The following DGKI variants were observed in gnomAD, a reference collection of about 807,000 sequenced individuals.
The protein encoded by DGKI is diacylglycerol kinase iota.
DGKI carries 55 observed loss-of-function variants against 147.5 expected under a neutral mutation model. The observed-to-expected ratio is 0.37, with a 90% confidence interval of 0.30 to 0.47. The LOEUF (loss-of-function observed/expected upper bound fraction) is 0.47, where lower values mean the gene tolerates loss of function less well. Ranked by LOEUF, DGKI falls within the 20% of genes least tolerant of loss-of-function variation. The pLI, the probability that DGKI is intolerant of heterozygous loss-of-function variation, is 1.00. For missense variants in DGKI, 1,007 were observed against 1,323.8 expected (o/e 0.76, Z 3.71); for synonymous variants, 469 against 477.1 (o/e 0.98, Z 0.22).
At chr7:137,820,263 G>C (rs1797858368) in intron 1 of DGKI, among the ~76,000 whole-genome samples, 2 of 152,184 alleles carry the variant, frequency 1.3e-5, no homozygotes, top group South Asian at 4.1e-4. Flanking sequence ...CACAGCAGGA[G>C]GCCCCAATCA....
intron 20 of DGKI, among the ~76,000 whole-genome samples, chr7:137,549,045 G>A (rs1276360848): frequency 6.6e-6 from 1 of 152,156 alleles, no homozygotes; most frequent in Non-Finnish European, 1.5e-5. Flanking sequence ...ACTAACACAG[G>A]TGTATAGAAG....
intron 21 of DGKI, among the ~76,000 whole-genome samples, chr7:137,499,981 C>T (rs1476581151): frequency 6.6e-6 from 1 of 152,164 alleles, no homozygotes; most frequent in Non-Finnish European, 1.5e-5. Context: ...GCATCCTGAG[C>T]TTGGACTTCC....
At chr7:137,806,218 T>C (rs1466805093) in intron 1 of DGKI, among the ~76,000 whole-genome samples, 1 of 152,220 alleles carries the variant, frequency 6.6e-6, no homozygotes, top group Non-Finnish European at 1.5e-5. Flanking sequence ...GAGTAAATGC[T>C]GAATGACTTG....
At chr7:137,425,793 G>A (rs1340268908) in intron 28 of DGKI, among the ~76,000 whole-genome samples, 2 of 152,206 alleles carry the variant, frequency 1.3e-5, no homozygotes, top group Non-Finnish European at 2.9e-5. Flanking sequence ...GGAAGAAAGG[G>A]TATCAGTGAT....
chr7:137,467,005 C>T lies in DGKI; in HGVS notation c.2444-63G>A. 3.3e-6 allele frequency: 5 copies of T among 1,525,102 alleles called. No homozygotes were observed. The South Asian group carries it at 4.5e-5, about 14-fold the overall frequency. 94.5% of individuals were successfully genotyped at this position (1,525,102 alleles called of 1,614,324 possible). A position where few individuals can be genotyped will look rare whatever the true frequency, so the allele number is the denominator to read the frequency against. On this transcript the variant is annotated intron_variant, in intron 24 of 32. Coordinates refer to ENST00000614521, the MANE Select transcript of DGKI (RefSeq NM_001321708.2). Reference sequence around the variant, plus strand: ...CTGTAATCTGGCACCAAATTTATAACCTTCTCTTCGACTATGCTGGTCAAA... The same window carrying T: ...CTGTAATCTGGCACCAAATTTATAATCTTCTCTTCGACTATGCTGGTCAAA...
rs967933733 is a variant in DGKI at position 137,770,735 on chromosome 7, G to A, written c.401+75727C>T. On this transcript the variant is annotated intron_variant, in intron 1 of 32. Transcript: ENST00000614521. ...TTTTTAGTAGAGACGGGGTTTCACC[G>A]TTTTAGCCGGGATGGTCTCGATCTC... is the stretch of plus-strand genomic sequence containing the variant. Among the ~76,000 whole-genome samples the A allele has an allele frequency of 2.9e-4, 18 of 61,360 alleles. 7 individuals carry two copies. The African/African-American group carries it at 3.0e-3, about 10-fold the overall frequency. 40.3% of individuals were successfully genotyped at this position (61,360 alleles called of 152,430 possible). A position where few individuals can be genotyped will look rare whatever the true frequency, so the allele number is the denominator to read the frequency against.
chr7:137,389,275 G>A lies in DGKI; in HGVS notation c.*1945C>T, dbSNP rs1233797733. Reference sequence around the variant, plus strand: ...TCCAAAGGATAGTTCCATTTCTGAGGCTGATATATGGAAGTAGATTACTCA... The same window carrying A: ...TCCAAAGGATAGTTCCATTTCTGAGACTGATATATGGAAGTAGATTACTCA... On this transcript the variant is annotated 3_prime_UTR_variant, in exon 33 of 33. Transcript: ENST00000614521. The A allele has an allele frequency of 1.3e-5, 2 of 152,068 alleles. No individual in the cohort carries two copies. Among genetic ancestry groups the A allele is most frequent in the African/African-American group, 4.8e-5 (2 of 41,418 alleles). The allele number at this position is 152,068 out of a possible 1,614,324, so 9.4% of individuals were successfully genotyped here.
intron 1 of DGKI, among the ~76,000 whole-genome samples, chr7:137,735,166 G>T (rs57538683): frequency 0.16 from 24,935 of 151,992 alleles, 3,140 homozygotes; most frequent in African/African-American, 0.34. Flanking sequence ...CCCTTTAGGG[G>T]TGCCCTGTAA....
chr7:137,609,616 G>T lies in DGKI; in HGVS notation c.994-7C>A, dbSNP rs374675213. ...TTGAAGCCTTCAGGGAGTTCTGTAG[G>T]GAGAGAGAGAAATGCCTGAGCTCAG... On this transcript the variant is annotated splice_polypyrimidine_tract_variant and splice_region_variant and intron_variant, in intron 8 of 32. Coordinates refer to ENST00000614521, the MANE Select transcript of DGKI (RefSeq NM_001321708.2). The T allele has an allele frequency of 1.6e-5, 26 of 1,610,854 alleles. No individual in the cohort carries two copies. Among genetic ancestry groups the T allele is most frequent in the African/African-American group, 2.7e-5 (2 of 74,864 alleles).
At position 137,733,117 on chromosome 7, in the gene DGKI, T is replaced by G. The variant is rs538136476; in HGVS notation, c.402-43115A>C. ...ACATAAAATGTATCATTTAAACCAT[T>G]TTAATTGCTCTGTTCTGTGGCATTA... On this transcript the variant is annotated intron_variant, in intron 1 of 32. Transcript: ENST00000614521. Among the ~76,000 whole-genome samples, 6 of 152,174 alleles carry G rather than the reference T, an allele frequency of 3.9e-5. No homozygotes were observed. The East Asian group carries it at 1.2e-3, about 29-fold the overall frequency.
chr7:137,387,444 T>C lies in DGKI; in HGVS notation c.*3776A>G, dbSNP rs1320317994. 1.3e-5 allele frequency: 2 copies of C among 152,204 alleles called. No individual in the cohort carries two copies. The highest frequency in any genetic ancestry group is 2.9e-5 in the Non-Finnish European group (2 of 68,032). The allele number at this position is 152,204 out of a possible 1,614,324, so 9.4% of individuals were successfully genotyped here. A position where few individuals can be genotyped will look rare whatever the true frequency, so the allele number is the denominator to read the frequency against. On this transcript the variant is annotated 3_prime_UTR_variant, in exon 33 of 33. Transcript: ENST00000614521. ...TTTAACCTGTCTTTGCCTACTGGTG[T>C]TCACTAGACATATACAAATGATCAG...
At chr7:137,436,789 G>GTGGTAAATATAAGAA (rs1476228358) in intron 28 of DGKI, among the ~76,000 whole-genome samples, 57 of 147,246 alleles carry the variant, frequency 3.9e-4, no homozygotes, top group African/African-American at 1.5e-3. Context: ...ATGTATAAAG[G>GTGGTAAATATAAGAA]CGGTAAATAT....
At chr7:137,752,802 C>T (rs189387112) in intron 1 of DGKI, among the ~76,000 whole-genome samples, 2 of 152,098 alleles carry the variant, frequency 1.3e-5, no homozygotes, top group Admixed American at 6.6e-5. Flanking sequence ...TGAGTCTTGC[C>T]GAAGCTCCCG....
chr7:137,585,460 G>T, intron 13 of DGKI, 114 bp from the exon 14 acceptor site: 1 of 1,299,364 alleles, frequency 7.7e-7, no homozygotes, highest in Non-Finnish European at 1.0e-6. Flanking sequence ...TAATTAGCAA[G>T]GTTTGAAGAG....
intron 1 of DGKI, among the ~76,000 whole-genome samples, chr7:137,841,720 G>A (rs1798548676): frequency 2.0e-5 from 3 of 152,032 alleles, no homozygotes; most frequent in Non-Finnish European, 4.4e-5. Flanking sequence ...CAGGCCAGAC[G>A]AACATACAGG....
rs547361731 is a variant in DGKI, at chr7:137,641,431, G to A, written c.804+4041C>T. On this transcript the variant is annotated intron_variant, in intron 6 of 32. Transcript: ENST00000614521. Reference sequence around the variant, plus strand: ...AATGCTTCAAAACCCAAAACCTTTTGAGTGCCAACATGATGCCACAAGTGG... The same window carrying A: ...AATGCTTCAAAACCCAAAACCTTTTAAGTGCCAACATGATGCCACAAGTGG... 6.6e-4 allele frequency among the ~76,000 whole-genome samples: 100 copies of A among 152,258 alleles called. 1 individual carries two copies. Among genetic ancestry groups the A allele is most frequent in the African/African-American group, 2.4e-3 (100 of 41,534 alleles).
intron 8 of DGKI, among the ~76,000 whole-genome samples, chr7:137,618,620 C>G (rs1820634467): frequency 6.6e-6 from 1 of 150,918 alleles, no homozygotes; most frequent in Admixed American, 6.6e-5. Flanking sequence ...GAGAGATTAC[C>G]AAATTTTAGA....
intron 3 of DGKI, among the ~76,000 whole-genome samples, chr7:137,658,019 A>T (rs1417850855): frequency 6.6e-6 from 1 of 152,086 alleles, no homozygotes; most frequent in African/African-American, 2.4e-5. Flanking sequence ...TGCTTTTATC[A>T]CTCTCGGATT....
chr7:137,652,445 G>T (rs931575260), intron 5 of DGKI, among the ~76,000 whole-genome samples: 1 of 152,126 alleles, frequency 6.6e-6, no homozygotes, highest in Admixed American at 6.5e-5. Flanking sequence ...GAATCCCCTG[G>T]TTGGAAAGTC....
Sources: gnomAD v4.1 joint callset for allele counts (sites outside exome capture counted in the v4.1 genomes callset) on GRCh38, gnomAD v4.1.1 for gene constraint, MANE v1.5 for transcripts, NCBI Gene and HGNC (gene_info 2026-07-23, HGNC 2026-07-21) for gene names.